The following GRIK1 variants were observed in gnomAD, a reference collection of about 807,000 sequenced individuals.
GRIK1 encodes the protein glutamate receptor ionotropic, kainate 1.
GRIK1 carries 69 observed loss-of-function variants against 105.7 expected under a neutral mutation model. The observed-to-expected ratio is 0.65, with a 90% CI of 0.54 to 0.80. The LOEUF (loss-of-function observed/expected upper bound fraction) is 0.80. Ranked by LOEUF, GRIK1 falls within the 30% of genes least tolerant of loss-of-function variation. The pLI is 0.00. For missense variants in GRIK1, 1,109 were observed against 1,167.3 expected, an observed-to-expected ratio of 0.95 and a Z score of 0.73; for synonymous variants, 438 against 431.3, an observed-to-expected ratio of 1.02 and a Z score of -0.19.
intron 1 of GRIK1, among the ~76,000 whole-genome samples, chr21:29,732,940 A>G (rs1003410654): frequency 1.3e-5 from 2 of 152,228 alleles, no homozygotes; most frequent in African/African-American, 4.8e-5. Flanking sequence ...AATGCCACGG[A>G]AAATGGTATT....
chr21:29,712,096 A>ACACACACG (rs2064068250), intron 1 of GRIK1, among the ~76,000 whole-genome samples: 2 of 139,172 alleles, frequency 1.4e-5, no homozygotes, highest in Non-Finnish European at 3.1e-5. Context: ...ACACACACAC[A>ACACACACG]CACACACACA....
At chr21:29,746,529 GT>G (rs2065052852) in intron 1 of GRIK1, among the ~76,000 whole-genome samples, 1 of 152,196 alleles carries the variant, frequency 6.6e-6, no homozygotes, top group African/African-American at 2.4e-5. Flanking sequence ...CTACACACAT[GT>G]GCACACTAAC....
intron 1 of GRIK1, among the ~76,000 whole-genome samples, chr21:29,793,807 T>C (rs1326223450): frequency 6.6e-6 from 1 of 152,218 alleles, no homozygotes; most frequent in Non-Finnish European, 1.5e-5. Flanking sequence ...CTCCACAGAT[T>C]TGCTTTAAAA....
chr21:29,648,947 C>T (rs1381909801), intron 6 of GRIK1, among the ~76,000 whole-genome samples: 2 of 152,130 alleles, frequency 1.3e-5, no homozygotes, highest in Non-Finnish European at 2.9e-5. Context: ...TTATCTTTAA[C>T]GTAGAGAAGA....
intron 1 of GRIK1, among the ~76,000 whole-genome samples, chr21:29,782,129 C>T (rs573398182): frequency 1.9e-4 from 29 of 150,038 alleles, no homozygotes; most frequent in African/African-American, 6.4e-4. Flanking sequence ...CTGTGTCGCC[C>T]AGGCTGGAGT....
chr21:29,707,682 A>G (rs556682162), intron 1 of GRIK1, among the ~76,000 whole-genome samples: 1 of 151,796 alleles, frequency 6.6e-6, no homozygotes, highest in South Asian at 2.1e-4. Context: ...TTTAGTAGAG[A>G]CAGGGTTTCA....
chr21:29,693,715 C>T (rs904527307), intron 2 of GRIK1, among the ~76,000 whole-genome samples, 181 bp downstream of exon 2: 1 of 152,118 alleles, frequency 6.6e-6, no homozygotes, highest in Non-Finnish European at 1.5e-5. Context: ...GAAAACAGTG[C>T]TCAGCAACGT....
At chr21:29,627,821 CT>C (rs1465621567) in intron 7 of GRIK1, among the ~76,000 whole-genome samples, 1 of 152,088 alleles carries the variant, frequency 6.6e-6, no homozygotes, top group East Asian at 1.9e-4. Context: ...TTTGTTAACA[CT>C]TTAGTATAGA....
intron 1 of GRIK1, among the ~76,000 whole-genome samples, chr21:29,756,536 C>A (rs2065346671): frequency 6.6e-6 from 1 of 152,126 alleles, no homozygotes; most frequent in Non-Finnish European, 1.5e-5. Context: ...CAGAAAAACC[C>A]AGTAGAAATT....
chr21:29,765,707 C>A (rs978803926), intron 1 of GRIK1, among the ~76,000 whole-genome samples: 6 of 152,042 alleles, frequency 3.9e-5, no homozygotes, highest in African/African-American at 7.2e-5. Flanking sequence ...GAATAAGAAT[C>A]CCTCCCTCTG....
intron 1 of GRIK1, among the ~76,000 whole-genome samples, chr21:29,918,318 C>T (rs1353964446): frequency 6.6e-6 from 1 of 152,064 alleles, no homozygotes; most frequent in Non-Finnish European, 1.5e-5. Context: ...GTACTAATCG[C>T]TTTTCATATA....
intron 16 of GRIK1, chr21:29,553,667 G>T (rs1483529439): frequency 1.9e-6 from 3 of 1,606,244 alleles, no homozygotes; most frequent in Non-Finnish European, 1.7e-6. Flanking sequence ...GGTTGGATGG[G>T]TTTGCTTACA....
intron 1 of GRIK1, among the ~76,000 whole-genome samples, chr21:29,893,694 A>G (rs1601963113): frequency 6.6e-6 from 1 of 152,228 alleles, no homozygotes; most frequent in East Asian, 1.9e-4. Context: ...GAATTGATGT[A>G]GAATATACAG....
intron 1 of GRIK1, among the ~76,000 whole-genome samples, chr21:29,699,134 A>G (rs2063766071): frequency 2.0e-5 from 3 of 152,318 alleles, no homozygotes; most frequent in Admixed American, 6.5e-5. Context: ...AGGGTATGAG[A>G]CAATAATGCC....
intron 6 of GRIK1, among the ~76,000 whole-genome samples, chr21:29,648,195 T>C (rs1300005051): frequency 2.0e-5 from 3 of 152,216 alleles, no homozygotes; most frequent in Non-Finnish European, 4.4e-5. Context: ...TTCATCCATG[T>C]ATGTATGCAC....
At chr21:29,693,767 G>T in intron 2 of GRIK1, 129 bp downstream of exon 2, 1 of 681,848 alleles carries the variant, frequency 1.5e-6, no homozygotes. Flanking sequence ...TGACATCGAA[G>T]ACCCAGATTT....
chr21:29,716,592 A>G (rs890839457), intron 1 of GRIK1, among the ~76,000 whole-genome samples: 21 of 152,162 alleles, frequency 1.4e-4, no homozygotes, highest in Admixed American at 1.2e-3. Context: ...GATCCTTGCT[A>G]TACTCTAGCA....
In GRIK1 at chr21:29,823,414, C is replaced by T. The variant is rs140163161; in HGVS notation, c.118+115969G>A. Among the ~76,000 whole-genome samples, 24 of 151,618 alleles carry T rather than the reference C, an allele frequency of 1.6e-4. No individual in the cohort carries two copies. In the East Asian group the frequency reaches 2.7e-3, roughly 17 times the overall value. ...CAAATTTATTTACAAATCAAAATAA[C>T]GAATGTAAATAAGCTATATATTCTT... is the stretch of plus-strand genomic sequence containing the variant. On this transcript the variant is annotated intron_variant, in intron 1 of 17. Coordinates refer to ENST00000327783, the MANE Select transcript of GRIK1 (RefSeq NM_001330994.2).
chr21:29,582,969 C>A (rs1451603632), intron 12 of GRIK1, among the ~76,000 whole-genome samples: 1 of 152,090 alleles, frequency 6.6e-6, no homozygotes, highest in African/African-American at 2.4e-5. Context: ...TGCTGTGAAT[C>A]CAGCACAAGG....
Sources: allele counts gnomAD v4.1 joint callset (sites outside exome capture counted in the v4.1 genomes callset), GRCh38; gene constraint gnomAD v4.1.1; transcripts MANE v1.5; gene names NCBI Gene and HGNC (gene_info 2026-07-23, HGNC 2026-07-21).